Variants in PCNX1 observed in about 807,000 individuals in gnomAD.
PCNX1 encodes pecanex-like protein 1.
In PCNX1, 78 loss-of-function variants were observed where a neutral mutation model predicts 242.2. The observed-to-expected ratio is 0.32, with a 90% CI of 0.27 to 0.39. The LOEUF is 0.39. Among genes scored for constraint, PCNX1 ranks in the 10% least tolerant of loss-of-function variants. The probability of loss-of-function intolerance (pLI) is 1.00; values close to 1 mark genes in which losing one functional copy is unlikely to be tolerated. For missense variants in PCNX1, 2,581 were observed against 2,856.5 expected (o/e 0.90, Z 2.20); for synonymous variants, 1,024 against 1,032.9 (o/e 0.99, Z 0.17).
chr14:70,939,988 T>G (rs1374311621), intron 1 of PCNX1, among the ~76,000 whole-genome samples: 1 of 152,192 alleles, frequency 6.6e-6, no homozygotes, highest in Non-Finnish European at 1.5e-5. Flanking sequence ...TGGTAGATCT[T>G]CCTTCATCCC....
chr14:71,080,887 T>C (rs1442572100), intron 28 of PCNX1, among the ~76,000 whole-genome samples: 6 of 152,154 alleles, frequency 3.9e-5, no homozygotes, highest in Admixed American at 2.0e-4. Flanking sequence ...TTGCCCTGTC[T>C]AGAACTTCCA....
intron 33 of PCNX1, among the ~76,000 whole-genome samples, chr14:71,107,348 G>A (rs1404552868): frequency 6.6e-6 from 1 of 151,868 alleles, no homozygotes; most frequent in Non-Finnish European, 1.5e-5. Context: ...TTCTTTTGTG[G>A]TTTTTGTAAT....
intron 33 of PCNX1, among the ~76,000 whole-genome samples, chr14:71,106,125 T>TA (rs1462887274): frequency 2.6e-5 from 4 of 152,020 alleles, no homozygotes; most frequent in African/African-American, 9.7e-5. Flanking sequence ...ACCATTCTCC[T>TA]ACCTCAGCCT....
Position 71,004,476 on chromosome 14 carries a change from G to A in PCNX1, c.2630-5158G>A, listed in dbSNP as rs114578220. ...ACCCTATTGTAAACTGCACATGCAAGGGATCTAGGTTGCCCACTCCTTATG... is the reference window on the plus strand; with the variant it reads ...ACCCTATTGTAAACTGCACATGCAAAGGATCTAGGTTGCCCACTCCTTATG... On this transcript the variant is annotated intron_variant, in intron 8 of 35. Coordinates refer to ENST00000304743, the MANE Select transcript of PCNX1 (RefSeq NM_014982.3). Among the ~76,000 whole-genome samples the A allele has an allele frequency of 8.9e-3, 1,361 of 152,348 alleles. 9 individuals carry two copies. Among genetic ancestry groups the A allele is most frequent in the South Asian group, 0.017 (82 of 4,830 alleles).
At chr14:70,981,380 A>G (rs2058835457) in intron 6 of PCNX1, among the ~76,000 whole-genome samples, 1 of 152,222 alleles carries the variant, frequency 6.6e-6, no homozygotes, top group Admixed American at 6.5e-5. Context: ...TCAATAGTAA[A>G]AATAAAAAAT....
At chr14:70,939,248 T>A (rs1383172424) in intron 1 of PCNX1, among the ~76,000 whole-genome samples, 1 of 152,256 alleles carries the variant, frequency 6.6e-6, no homozygotes, top group Non-Finnish European at 1.5e-5. Flanking sequence ...AGATCTTTCC[T>A]GCTTTCTCTT....
At chr14:70,916,228 C>T (rs368828184) in intron 1 of PCNX1, among the ~76,000 whole-genome samples, 3 of 152,068 alleles carry the variant, frequency 2.0e-5, no homozygotes, top group East Asian at 3.8e-4. Flanking sequence ...AACATGAATT[C>T]AGAGTGTCGA....
intron 27 of PCNX1, among the ~76,000 whole-genome samples, chr14:71,074,847 A>G (rs570913419): frequency 1.7e-4 from 26 of 152,102 alleles, no homozygotes; most frequent in African/African-American, 6.0e-4. Flanking sequence ...AGATACTCTT[A>G]TTTTTGCTAA....
intron 1 of PCNX1, among the ~76,000 whole-genome samples, chr14:70,925,099 C>T (rs1280051105): frequency 6.6e-6 from 1 of 151,978 alleles, no homozygotes; most frequent in Non-Finnish European, 1.5e-5. Context: ...AGTGATTCTC[C>T]TGCCTCAGAC....
At chr14:71,064,783 A>T (rs1255962508) in intron 26 of PCNX1, among the ~76,000 whole-genome samples, 1 of 152,060 alleles carries the variant, frequency 6.6e-6, no homozygotes, top group Non-Finnish European at 1.5e-5. Context: ...CCATCCCCCG[A>T]CAGGCCTGGG....
At chr14:70,995,962 C>G in intron 8 of PCNX1, 37 bp downstream of exon 8, 1 of 1,493,732 alleles carries the variant, frequency 6.7e-7, no homozygotes, top group Non-Finnish European at 9.3e-7. Flanking sequence ...GATACAAAAA[C>G]TTTAATGCAG....
chr14:71,088,229 A>G (rs2062041205), intron 28 of PCNX1, 101 bp from the exon 29 acceptor site: 1 of 594,330 alleles, frequency 1.7e-6, no homozygotes, highest in Non-Finnish European at 3.0e-6. Flanking sequence ...GAAATTATGT[A>G]CTCTTTGAAT....
intron 3 of PCNX1, among the ~76,000 whole-genome samples, chr14:70,963,410 A>T (rs2526890): frequency 0.63 from 96,332 of 151,976 alleles, 30,786 homozygotes; most frequent in South Asian, 0.72. Flanking sequence ...TCCTTATGTG[A>T]CTAGGTAATA....
Position 71,011,879 on chromosome 14 carries a change from TA to T in PCNX1, c.2778+334del, listed in dbSNP as rs1437281616. On this transcript the variant is annotated intron_variant, in intron 10 of 35. Transcript: ENST00000304743. ...TATACCCAGATATGTGTTTGAAAAG[TA>T]AAACCCTCCCTACTTTTTGGCTATA... The T allele has an allele frequency of 2.8e-5, 6 of 216,620 alleles. 1 individual carries two copies. Among genetic ancestry groups the T allele is most frequent in the Admixed American group, 5.6e-5 (1 of 17,970 alleles). The allele number at this position is 216,620 out of a possible 1,614,324, so 13.4% of individuals were successfully genotyped here. A position where few individuals can be genotyped will look rare whatever the true frequency, so the allele number is the denominator to read the frequency against.
intron 26 of PCNX1, among the ~76,000 whole-genome samples, chr14:71,064,233 A>G (rs1316714045): frequency 1.3e-5 from 2 of 152,144 alleles, no homozygotes; most frequent in East Asian, 3.8e-4. Context: ...TCCTAGTAAT[A>G]CATTTTGCTC....
chr14:70,954,573 C>T (rs1257749175), intron 2 of PCNX1, among the ~76,000 whole-genome samples: 1 of 152,028 alleles, frequency 6.6e-6, no homozygotes, highest in Non-Finnish European at 1.5e-5. Context: ...TCATTTTCTC[C>T]ATTAAAAGGA....
intron 18 of PCNX1, among the ~76,000 whole-genome samples, chr14:71,034,767 T>C (rs1395817250): frequency 1.3e-5 from 2 of 152,194 alleles, no homozygotes; most frequent in East Asian, 1.9e-4. Flanking sequence ...TCAGAAACTT[T>C]AGAAATACAA....
At chr14:71,017,775 A>G (rs759962903) in intron 11 of PCNX1, among the ~76,000 whole-genome samples, 3 of 152,348 alleles carry the variant, frequency 2.0e-5, no homozygotes, top group Non-Finnish European at 4.4e-5. Context: ...CTGAAATTGC[A>G]TAACTACCAC....
intron 32 of PCNX1, 43 bp from the exon 33 acceptor site, chr14:71,105,192 G>C: frequency 6.9e-7 from 1 of 1,444,858 alleles, no homozygotes; most frequent in Non-Finnish European, 9.7e-7. Context: ...CCATTTTGAA[G>C]TGATCTTGGA....
Sources: allele counts gnomAD v4.1 joint callset (sites outside exome capture counted in the v4.1 genomes callset), GRCh38; gene constraint gnomAD v4.1.1; transcripts MANE v1.5; gene names NCBI Gene and HGNC (gene_info 2026-07-23, HGNC 2026-07-21).